ATG13: variants seen among roughly 807,000 people sequenced by gnomAD.
The protein encoded by ATG13 is autophagy related 13, also known as autophagy-related protein 13.
A neutral mutation model predicts 65.5 loss-of-function variants in ATG13; 23 were observed. The observed-to-expected ratio is 0.35, with a 90% confidence interval of 0.25 to 0.50. The LOEUF is 0.50. ATG13 is among the 20% of genes least tolerant of loss of function. The pLI, the probability that ATG13 is intolerant of heterozygous loss-of-function variation, is 0.98. For missense variants in ATG13, 566 were observed against 677.0 expected (o/e 0.84, Z 1.82); for synonymous variants, 252 against 245.2 (o/e 1.03, Z -0.26).
At chr11:46,648,378 G>A (rs757023172) in intron 5 of ATG13, among the ~76,000 whole-genome samples, 4 of 152,144 alleles carry the variant, frequency 2.6e-5, no homozygotes, top group Non-Finnish European at 5.9e-5. Context: ...TGAGTTTGTG[G>A]GAGAAGTTTT....
intron 2 of ATG13, among the ~76,000 whole-genome samples, chr11:46,635,341 T>A (rs543721210): frequency 1.3e-5 from 2 of 152,242 alleles, no homozygotes; most frequent in South Asian, 4.1e-4. Flanking sequence ...ACATAATAAT[T>A]GTTGTACATA....
At chr11:46,671,747 A>G (rs1161583309) in intron 18 of ATG13, among the ~76,000 whole-genome samples, 1 of 152,204 alleles carries the variant, frequency 6.6e-6, no homozygotes, top group Admixed American at 6.5e-5. Context: ...GTCTCAAGAA[A>G]AAAATTTAAA....
chr11:46,626,406 ATGCC>A (rs1404569197), intron 1 of ATG13, among the ~76,000 whole-genome samples: 1 of 151,670 alleles, frequency 6.6e-6, no homozygotes, highest in Non-Finnish European at 1.5e-5. Context: ...ACGCACCACC[ATGCC>A]TGGCTAATTT....
chr11:46,637,547 A>ATT (rs922343357), intron 2 of ATG13, among the ~76,000 whole-genome samples: 1 of 151,970 alleles, frequency 6.6e-6, no homozygotes, highest in Non-Finnish European at 1.5e-5. Flanking sequence ...TAATTTTTGT[A>ATT]TTTTTTTGGT....
intron 7 of ATG13, among the ~76,000 whole-genome samples, chr11:46,653,425 C>T (rs1471950297): frequency 5.9e-5 from 9 of 152,072 alleles, no homozygotes; most frequent in African/African-American, 2.2e-4. Context: ...CCGCCCACCT[C>T]GGCCTCCCAG....
intron 1 of ATG13, among the ~76,000 whole-genome samples, chr11:46,627,102 C>T (rs569917519): frequency 1.4e-4 from 22 of 152,142 alleles, no homozygotes; most frequent in African/African-American, 4.6e-4. Flanking sequence ...TAGCCCGGGC[C>T]GGGCGTGATG....
Position 46,668,876 on chromosome 11 carries a change from G to A in ATG13, c.1412G>A (p.Gly471Asp). Residue 471 changes from glycine (G) to aspartate (D), a missense_variant, in exon 17 of 19, where the codon GGC becomes GAC. Physicochemically the swap from Gly to Asp is moderately conservative, Grantham distance 94. Around this residue, in one of 2 missense-constraint regions of ATG13, gnomAD observed 387 missense variants for 409.8 expected, o/e 0.94. Transcript: ENST00000683050. Reference protein sequence around the residue: ...HSDGSSGGSSGNTHDDFVMID... With the variant: ...HSDGSSGGSSDNTHDDFVMID... The stretch of plus-strand genomic sequence containing the variant: ...GATGGCTCCAGCGGGGGCAGCAGTG[G>A]CAATACCCATGATGACTTTGTTATG... 1 of 1,613,960 alleles carries A rather than the reference G, an allele frequency of 6.2e-7. No individual in the cohort carries two copies. The highest frequency in any genetic ancestry group is 8.5e-7 in the Non-Finnish European group (1 of 1,179,986).
intron 7 of ATG13, 92 bp from the exon 8 acceptor site, chr11:46,656,141 G>C: frequency 8.8e-7 from 1 of 1,131,900 alleles, no homozygotes. Context: ...AGTAAGGAAG[G>C]CTTTGTTTTA....
At chr11:46,640,318 A>C (rs2055536220) in intron 2 of ATG13, among the ~76,000 whole-genome samples, 1 of 152,216 alleles carries the variant, frequency 6.6e-6, no homozygotes, top group African/African-American at 2.4e-5. Flanking sequence ...CTTCATAGCC[A>C]CTGTCTGTTA....
intron 4 of ATG13, 67 bp downstream of exon 4, chr11:46,645,486 A>C: frequency 2.9e-5 from 39 of 1,331,638 alleles, no homozygotes; most frequent in Non-Finnish European, 3.8e-5. Flanking sequence ...TAAAGTTCTC[A>C]AGTGCAATAA....
chr11:46,650,234 G>A lies in ATG13; in HGVS notation c.375G>A (p.Leu125=), dbSNP rs1278663468. 2 of 1,614,020 alleles carry A rather than the reference G, an allele frequency of 1.2e-6. No homozygotes were observed. Among genetic ancestry groups the A allele is most frequent in the African/African-American group, 1.3e-5 (1 of 74,928 alleles). The change falls in exon 7 of 19, where the codon CTG becomes CTA. Residue 125 remains leucine, a synonymous_variant. Transcript: ENST00000683050. ...YTVYNRLSLL[L]KSLLAITRVT... ...TGTACAACAGACTGTCATTGCTGCT[G>A]AAGTCCCTTCTTGCTATAACTAGGG...
intron 8 of ATG13, chr11:46,656,532 A>G (rs999232260): frequency 9.0e-6 from 3 of 333,416 alleles, no homozygotes; most frequent in Admixed American, 4.5e-5. Context: ...AATTTTCTAC[A>G]GTGAGGATGT....
chr11:46,636,748 C>T (rs1466644749), intron 2 of ATG13, among the ~76,000 whole-genome samples: 4 of 152,060 alleles, frequency 2.6e-5, no homozygotes, highest in Admixed American at 6.6e-5. Context: ...TCAGCTGCCA[C>T]GCTGGGCCTA....
In ATG13 at chr11:46,673,975, G is replaced by GC. The variant is rs1035421722; in HGVS notation, c.*1645dup. 1.3e-5 allele frequency: 2 copies of GC among 152,232 alleles called. No individual in the cohort carries two copies. The highest frequency in any genetic ancestry group is 4.8e-5 in the African/African-American group (2 of 41,438). The allele number at this position is 152,232 out of a possible 1,614,324, so 9.4% of individuals were successfully genotyped here. ...GACCAGAGCTCTGCGTGCTGCTGCT[G>GC]CCACCAAGAAGTGTTAGCAGAAGCA... On this transcript the variant is annotated 3_prime_UTR_variant, in exon 19 of 19. Transcript: ENST00000683050.
At position 46,672,878 on chromosome 11, in the gene ATG13, C is replaced by G; in HGVS notation, c.*546C>G. 9.2e-7 allele frequency: 1 copy of G among 1,087,370 alleles called. No individual in the cohort carries two copies. The highest frequency in any genetic ancestry group is 1.6e-5 in the African/African-American group (1 of 60,674). The allele number at this position is 1,087,370 out of a possible 1,614,324, so 67.4% of individuals were successfully genotyped here. A position where few individuals can be genotyped will look rare whatever the true frequency, so the allele number is the denominator to read the frequency against. ...CTTCTCCTCTTCTTCTCTCTCTTGCCTCTATGCCTGTATTTCTGGCAATAT... is the reference window on the plus strand; with the variant it reads ...CTTCTCCTCTTCTTCTCTCTCTTGCGTCTATGCCTGTATTTCTGGCAATAT... On this transcript the variant is annotated 3_prime_UTR_variant, in exon 19 of 19. Transcript: ENST00000683050.
intron 7 of ATG13, among the ~76,000 whole-genome samples, chr11:46,654,201 GGT>G (rs1025607941): frequency 5.7e-4 from 85 of 148,492 alleles, no homozygotes; most frequent in African/African-American, 2.1e-3. Context: ...GGGAGGCTGA[GGT>G]GGGAGGATTG....
rs938368080 is a variant in ATG13, at chr11:46,633,001, A to T, written c.-14+2901A>T. ...GACAGAGCAAGACCCCCATTAAAAA[A>T]AAATATATATATATATATATATATA... On this transcript the variant is annotated intron_variant, in intron 2 of 18. Coordinates refer to ENST00000683050, the MANE Select transcript of ATG13 (RefSeq NM_001346311.2). Among the ~76,000 whole-genome samples the T allele has an allele frequency of 4.9e-3, 499 of 102,052 alleles. 4 individuals carry two copies. Among genetic ancestry groups the T allele is most frequent in the East Asian group, 0.012 (49 of 4,210 alleles). The allele number at this position is 102,052 out of a possible 152,430, so 67.0% of individuals were successfully genotyped here.
intron 8 of ATG13, 72 bp downstream of exon 8, chr11:46,656,345 A>C (rs549907718): frequency 2.4e-5 from 35 of 1,428,704 alleles, no homozygotes; most frequent in African/African-American, 7.1e-5. Context: ...CTTCGTTTCT[A>C]CTTGTTATAA....
At chr11:46,660,644 A>AAG (rs2060979719) in intron 11 of ATG13, among the ~76,000 whole-genome samples, 1 of 150,114 alleles carries the variant, frequency 6.7e-6, no homozygotes, top group African/African-American at 2.5e-5. Flanking sequence ...TCCTGACCTC[A>AAG]TGATCCGCCC....
Sources: allele counts gnomAD v4.1 joint callset (sites outside exome capture counted in the v4.1 genomes callset), GRCh38; gene constraint gnomAD v4.1.1; regional missense constraint gnomAD v4.1.1; transcripts MANE v1.5; gene names NCBI Gene and HGNC (gene_info 2026-07-23, HGNC 2026-07-21).